The following SPAG16 variants were observed in gnomAD, a reference collection of about 807,000 sequenced individuals.
SPAG16 encodes the protein sperm associated antigen 16, also known as sperm-associated antigen 16 protein.
In SPAG16, 86 loss-of-function variants were observed where a neutral mutation model predicts 80.4. That is an observed-to-expected ratio of 1.07 (90% confidence interval 0.90 to 1.28). The LOEUF is 1.28. Ranked by LOEUF, SPAG16 falls within the 50% of genes most tolerant of loss-of-function variation. The probability of loss-of-function intolerance (pLI) is 0.00; values close to 1 mark genes in which losing one functional copy is unlikely to be tolerated. For missense variants in SPAG16, 870 were observed against 765.3 expected (o/e 1.14, Z -1.61); for synonymous variants, 294 against 265.9 (o/e 1.11, Z -1.03).
intron 9 of SPAG16, among the ~76,000 whole-genome samples, chr2:213,482,753 G>A (rs2125702082): frequency 6.6e-6 from 1 of 152,196 alleles, no homozygotes; most frequent in South Asian, 2.1e-4. Flanking sequence ...TGATTAGAGT[G>A]TAGAATTATG....
At chr2:213,448,229 T>G (rs558936880) in intron 9 of SPAG16, among the ~76,000 whole-genome samples, 1 of 152,376 alleles carries the variant, frequency 6.6e-6, no homozygotes, top group African/African-American at 2.4e-5. Context: ...TACTTCTGAT[T>G]TCTCTATCAC....
rs1355041084 is a variant in SPAG16 at position 214,410,497 on chromosome 2, G to T, written c.*182G>T. 6 of 463,450 alleles carry T rather than the reference G, an allele frequency of 1.3e-5. No individual in the cohort carries two copies. Among genetic ancestry groups the T allele is most frequent in the Non-Finnish European group, 2.2e-5 (6 of 273,632 alleles). 28.7% of individuals were successfully genotyped at this position (463,450 alleles called of 1,614,324 possible). ...GTTACTAATAAAAAAATAACTTTAT[G>T]CTCACCCATTTGTGTCAGGGTCTTT... On this transcript the variant is annotated 3_prime_UTR_variant, in exon 16 of 16. Transcript: ENST00000331683.
intron 10 of SPAG16, among the ~76,000 whole-genome samples, chr2:213,709,564 A>G (rs2065895821): frequency 6.6e-6 from 1 of 152,200 alleles, no homozygotes; most frequent in South Asian, 2.1e-4. Flanking sequence ...AACTTGACAC[A>G]TACTACAAAA....
chr2:213,528,495 T>C (rs963006004), intron 10 of SPAG16, among the ~76,000 whole-genome samples: 3 of 152,180 alleles, frequency 2.0e-5, no homozygotes, highest in Non-Finnish European at 2.9e-5. Flanking sequence ...TACATTCTAA[T>C]CTTGAATGAA....
chr2:213,602,906 T>G (rs2061119040), intron 10 of SPAG16, among the ~76,000 whole-genome samples: 1 of 152,274 alleles, frequency 6.6e-6, no homozygotes, highest in East Asian at 1.9e-4. Flanking sequence ...CTCCTGCACA[T>G]CCTTTTAACT....
chr2:214,009,699 A>T (rs866909146), intron 12 of SPAG16, among the ~76,000 whole-genome samples: 2 of 152,192 alleles, frequency 1.3e-5, no homozygotes, highest in Admixed American at 6.5e-5. Flanking sequence ...TTGAAAGTAA[A>T]GCAAAAAAAT....
At chr2:213,597,459 AAC>A (rs1224194536) in intron 10 of SPAG16, among the ~76,000 whole-genome samples, 2 of 152,202 alleles carry the variant, frequency 1.3e-5, no homozygotes, top group Non-Finnish European at 2.9e-5. Context: ...TAATTTATTT[AAC>A]AGTTATCATA....
chr2:213,613,068 A>G (rs925591841), intron 10 of SPAG16, among the ~76,000 whole-genome samples: 2 of 152,188 alleles, frequency 1.3e-5, no homozygotes, highest in Non-Finnish European at 2.9e-5. Flanking sequence ...GGGTTTCTTC[A>G]GAGTGTATGC....
At chr2:213,658,813 C>T (rs570405897) in intron 10 of SPAG16, among the ~76,000 whole-genome samples, 80 of 152,220 alleles carry the variant, frequency 5.3e-4, no homozygotes, top group African/African-American at 1.8e-3. Flanking sequence ...CCAAGGTGGG[C>T]GGATCACGAA....
At chr2:213,801,857 G>A (rs1255041876) in intron 10 of SPAG16, among the ~76,000 whole-genome samples, 2 of 152,204 alleles carry the variant, frequency 1.3e-5, no homozygotes, top group African/African-American at 4.8e-5. Flanking sequence ...ATTGTATAAT[G>A]TGAATAAGAA....
intron 13 of SPAG16, among the ~76,000 whole-genome samples, chr2:214,072,475 A>T (rs1293939380): frequency 6.6e-6 from 1 of 152,128 alleles, no homozygotes; most frequent in Non-Finnish European, 1.5e-5. Flanking sequence ...AATCATTTTC[A>T]AAATATTGTT....
At chr2:213,473,197 G>A (rs2073180830) in intron 9 of SPAG16, among the ~76,000 whole-genome samples, 1 of 152,164 alleles carries the variant, frequency 6.6e-6, no homozygotes, top group African/African-American at 2.4e-5. Context: ...CAATGCTAGA[G>A]CTCTACTTGA....
At chr2:213,703,264 C>A (rs1209442815) in intron 10 of SPAG16, among the ~76,000 whole-genome samples, 1 of 152,172 alleles carries the variant, frequency 6.6e-6, no homozygotes, top group Non-Finnish European at 1.5e-5. Context: ...CCTAGACTGT[C>A]TTGACTGATA....
At chr2:214,208,977 A>G (rs1305479950) in intron 15 of SPAG16, among the ~76,000 whole-genome samples, 6 of 151,998 alleles carry the variant, frequency 3.9e-5, no homozygotes, top group Non-Finnish European at 8.8e-5. Context: ...GAAGTTTTCT[A>G]TTTCTTGAAC....
chr2:213,926,681 G>T (rs1299364226), intron 11 of SPAG16, among the ~76,000 whole-genome samples: 1 of 151,508 alleles, frequency 6.6e-6, no homozygotes, highest in Non-Finnish European at 1.5e-5. Flanking sequence ...TCTTTTTATT[G>T]TAGCTGTTAT....
intron 10 of SPAG16, among the ~76,000 whole-genome samples, chr2:213,579,829 G>A (rs1035091293): frequency 2.0e-5 from 3 of 152,014 alleles, no homozygotes; most frequent in African/African-American, 7.3e-5. Context: ...CAACAATTTT[G>A]TATCATGATC....
intron 10 of SPAG16, among the ~76,000 whole-genome samples, chr2:213,815,642 G>T (rs1298852047): frequency 1.3e-5 from 2 of 151,762 alleles, no homozygotes; most frequent in African/African-American, 4.8e-5. Context: ...ATCCCTTTGG[G>T]CCCCTTTGTA....
intron 9 of SPAG16, among the ~76,000 whole-genome samples, chr2:213,402,070 A>T (rs1051631269): frequency 1.3e-5 from 2 of 152,026 alleles, no homozygotes; most frequent in African/African-American, 2.4e-5. Flanking sequence ...GCTTATTTCA[A>T]TTTATCTACA....
intron 10 of SPAG16, among the ~76,000 whole-genome samples, chr2:213,546,719 CT>C (rs1029867162): frequency 1.3e-5 from 2 of 152,016 alleles, no homozygotes; most frequent in African/African-American, 4.8e-5. Context: ...CTTGATATTT[CT>C]TTTTAAAATA....
Sources: allele counts gnomAD v4.1 joint callset (sites outside exome capture counted in the v4.1 genomes callset), GRCh38; gene constraint gnomAD v4.1.1; transcripts MANE v1.5; gene names NCBI Gene and HGNC (gene_info 2026-07-23, HGNC 2026-07-21).